Variants in XKR9 observed in about 807,000 individuals in gnomAD.
The protein encoded by XKR9 is XK-related protein 9.
XKR9 carries 32 observed loss-of-function variants against 32.0 expected under a neutral mutation model. The observed-to-expected ratio is 1.00, with a 90% CI of 0.76 to 1.34. The LOEUF is 1.34. XKR9 is among the 40% of genes most tolerant of loss of function. XKR9 has a pLI of 0.00. For synonymous variants in XKR9, 168 were observed against 143.4 expected (o/e 1.17, Z -1.22); for missense variants, 546 against 429.7 (o/e 1.27, Z -2.39).
At chr8:70,934,090 T>G in the XKR9 span, among the ~76,000 whole-genome samples, 52 of 152,070 alleles carry the variant, frequency 3.4e-4, no homozygotes, top group African/African-American at 1.3e-3. Flanking sequence ...TATTTTTGTA[T>G]GTATAAAATT....
the XKR9 span, among the ~76,000 whole-genome samples, chr8:70,957,783 C>CTTTTT: frequency 3.9e-4 from 33 of 84,798 alleles, 1 homozygote; most frequent in African/African-American, 5.1e-4. Context: ...TTCAGTCTAT[C>CTTTTT]TTTTTTTTTT....
the XKR9 span, among the ~76,000 whole-genome samples, chr8:70,926,197 C>G: frequency 6.6e-6 from 1 of 152,294 alleles, no homozygotes; most frequent in Admixed American, 6.5e-5. Flanking sequence ...GCCTCAACCT[C>G]CTGAGTAGCT....
At chr8:70,720,452 T>C (rs977033530) in intron 4 of XKR9, among the ~76,000 whole-genome samples, 1 of 152,202 alleles carries the variant, frequency 6.6e-6, no homozygotes, top group African/African-American at 2.4e-5. Flanking sequence ...AAATAGCTCT[T>C]ATTATTTTGA....
At chr8:70,809,978 C>T in the XKR9 span, among the ~76,000 whole-genome samples, 2 of 152,074 alleles carry the variant, frequency 1.3e-5, no homozygotes, top group Non-Finnish European at 2.9e-5. Flanking sequence ...AACTCCAAGA[C>T]ACATAATTGT....
the XKR9 span, among the ~76,000 whole-genome samples, chr8:70,814,439 A>G: frequency 6.6e-6 from 1 of 151,954 alleles, no homozygotes; most frequent in Non-Finnish European, 1.5e-5. Context: ...ACTTAAAAGT[A>G]TAATAATATT....
the XKR9 span, among the ~76,000 whole-genome samples, chr8:70,810,809 A>G: frequency 6.6e-6 from 1 of 152,230 alleles, no homozygotes; most frequent in Non-Finnish European, 1.5e-5. Context: ...AGAGACCTAC[A>G]AAGAGACTTA....
the XKR9 span, among the ~76,000 whole-genome samples, chr8:70,838,132 T>A: frequency 2.0e-5 from 3 of 152,100 alleles, no homozygotes; most frequent in African/African-American, 7.2e-5. Context: ...GTAAATAATA[T>A]GTTTCAAGAG....
chr8:70,967,065 C>CATTTTTTTTTTTTTTTTTTTT, the XKR9 span, among the ~76,000 whole-genome samples: 1 of 101,292 alleles, frequency 9.9e-6, no homozygotes, highest in African/African-American at 4.2e-5. Flanking sequence ...GATCTTGACT[C>CATTTTTTTTTTTTTTTTTTTT]TTTTTTTTTT....
chr8:70,996,127 C>G, the XKR9 span, among the ~76,000 whole-genome samples: 2 of 152,134 alleles, frequency 1.3e-5, no homozygotes, highest in African/African-American at 4.8e-5. Flanking sequence ...GACTAATTAA[C>G]AAGAGAAAAC....
At chr8:70,841,658 C>T in the XKR9 span, among the ~76,000 whole-genome samples, 1 of 152,174 alleles carries the variant, frequency 6.6e-6, no homozygotes, top group African/African-American at 2.4e-5. Context: ...TTTAGGGTCA[C>T]AGATCAGTCA....
chr8:70,937,137 T>C, the XKR9 span, among the ~76,000 whole-genome samples: 29 of 152,084 alleles, frequency 1.9e-4, no homozygotes, highest in African/African-American at 6.5e-4. Context: ...CATATGCGTA[T>C]GTATGTGTGT....
At chr8:70,980,962 G>A in the XKR9 span, among the ~76,000 whole-genome samples, 1 of 152,200 alleles carries the variant, frequency 6.6e-6, no homozygotes, top group Non-Finnish European at 1.5e-5. Context: ...GCTAAAAATA[G>A]GACCTCAATT....
chr8:71,029,387 G>C, the XKR9 span, among the ~76,000 whole-genome samples: 1 of 152,178 alleles, frequency 6.6e-6, no homozygotes, highest in South Asian at 2.1e-4. Flanking sequence ...GATACTCTCA[G>C]TTTTTTGATT....
At chr8:70,925,096 C>A in the XKR9 span, among the ~76,000 whole-genome samples, 1 of 152,246 alleles carries the variant, frequency 6.6e-6, no homozygotes, top group African/African-American at 2.4e-5. Flanking sequence ...TACTTTCAGT[C>A]ACATTTCCTG....
chr8:70,730,188 C>CA (rs1411729907), intron 4 of XKR9, among the ~76,000 whole-genome samples: 6 of 151,726 alleles, frequency 4.0e-5, no homozygotes, highest in Non-Finnish European at 7.4e-5. Flanking sequence ...CCCAAAGGGG[C>CA]AAAAAAACCC....
chr8:70,724,834 G>A (rs1387327634), intron 4 of XKR9, among the ~76,000 whole-genome samples: 5 of 152,102 alleles, frequency 3.3e-5, no homozygotes, highest in Non-Finnish European at 5.9e-5. Flanking sequence ...ATCTTAGTCT[G>A]GGTTTTCTTT....
chr8:70,712,541 A>G (rs1563441508), intron 4 of XKR9, among the ~76,000 whole-genome samples: 1 of 152,192 alleles, frequency 6.6e-6, no homozygotes, highest in East Asian at 1.9e-4. Context: ...TGGGACTCCA[A>G]AAGGTACCCT....
chr8:70,901,293 T>A, the XKR9 span, among the ~76,000 whole-genome samples: 4 of 152,226 alleles, frequency 2.6e-5, no homozygotes, highest in Non-Finnish European at 4.4e-5. Context: ...AAAGTGTTCC[T>A]ATTTCTCCAC....
At chr8:70,935,170 C>A in the XKR9 span, among the ~76,000 whole-genome samples, 10 of 132,314 alleles carry the variant, frequency 7.6e-5, no homozygotes, top group Non-Finnish European at 1.6e-5. Context: ...TACATATATA[C>A]ACATATGTAT....
Sources: gnomAD v4.1 joint callset for allele counts (sites outside exome capture counted in the v4.1 genomes callset) on GRCh38, gnomAD v4.1.1 for gene constraint, MANE v1.5 for transcripts, NCBI Gene and HGNC (gene_info 2026-07-23, HGNC 2026-07-21) for gene names.